The following CCDC149 variants were observed in gnomAD, a reference collection of about 807,000 sequenced individuals.
CCDC149 encodes the protein coiled-coil domain-containing protein 149.
CCDC149 carries 45 observed loss-of-function variants against 59.9 expected under a neutral mutation model. The observed-to-expected ratio is 0.75, with a 90% confidence interval of 0.59 to 0.96. The LOEUF (loss-of-function observed/expected upper bound fraction) is 0.96. CCDC149 is among the 40% of genes least tolerant of loss of function. The pLI is 0.00. For missense variants in CCDC149, 584 were observed against 664.7 expected, an observed-to-expected ratio of 0.88 and a Z score of 1.33; for synonymous variants, 245 against 260.6, an observed-to-expected ratio of 0.94 and a Z score of 0.58.
intron 1 of CCDC149, among the ~76,000 whole-genome samples, chr4:24,890,450 C>G (rs1167215578): frequency 6.6e-6 from 1 of 152,144 alleles, no homozygotes; most frequent in Non-Finnish European, 1.5e-5. Context: ...CCCCATTCAC[C>G]CAAAGGAGAG....
intron 3 of CCDC149, among the ~76,000 whole-genome samples, chr4:24,854,014 G>A (rs575593248): frequency 2.0e-5 from 3 of 152,130 alleles, no homozygotes; most frequent in East Asian, 1.9e-4. Context: ...AGGTCCCTCC[G>A]GTCTCCATGG....
At chr4:24,870,356 C>T (rs1718963546) in intron 3 of CCDC149, among the ~76,000 whole-genome samples, 1 of 152,162 alleles carries the variant, frequency 6.6e-6, no homozygotes, top group Non-Finnish European at 1.5e-5. Context: ...ACTTAAAGCC[C>T]ACATTACCTC....
At chr4:24,975,843 T>G (rs796491407) in intron 1 of CCDC149, among the ~76,000 whole-genome samples, 3 of 149,812 alleles carry the variant, frequency 2.0e-5, no homozygotes, top group Non-Finnish European at 4.4e-5. Context: ...TAGAAATGAG[T>G]TTTTTTTTCT....
intron 1 of CCDC149, among the ~76,000 whole-genome samples, chr4:24,912,515 C>A (rs2109329227): frequency 6.6e-6 from 1 of 152,248 alleles, no homozygotes; most frequent in Admixed American, 6.5e-5. Flanking sequence ...TGGGGCTTGG[C>A]ACCTTCTGCT....
At chr4:24,901,728 A>G (rs1721185245) in intron 1 of CCDC149, among the ~76,000 whole-genome samples, 1 of 152,220 alleles carries the variant, frequency 6.6e-6, no homozygotes, top group Admixed American at 6.5e-5. Context: ...AGTTCTGAAC[A>G]GAACCCATGC....
At chr4:24,898,677 C>A (rs1179330405) in intron 1 of CCDC149, among the ~76,000 whole-genome samples, 2 of 152,114 alleles carry the variant, frequency 1.3e-5, no homozygotes, top group Non-Finnish European at 2.9e-5. Context: ...TTCTGAGGAC[C>A]CCCATCCTCA....
At chr4:24,974,690 A>T (rs1724099802) in intron 1 of CCDC149, among the ~76,000 whole-genome samples, 1 of 152,162 alleles carries the variant, frequency 6.6e-6, no homozygotes, top group African/African-American at 2.4e-5. Flanking sequence ...TGCTCAATCA[A>T]TGTCTGCTGA....
At chr4:24,873,873 T>TC (rs2109239933) in intron 2 of CCDC149, among the ~76,000 whole-genome samples, 154 bp from the exon 3 acceptor site, 1 of 148,970 alleles carries the variant, frequency 6.7e-6, no homozygotes, top group South Asian at 2.3e-4. Flanking sequence ...AAATATACTT[T>TC]AAAAAAATAA....
upstream of CCDC149, among the ~76,000 whole-genome samples, chr4:24,916,966 A>T (rs988088986): frequency 1.6e-4 from 24 of 152,078 alleles, no homozygotes; most frequent in African/African-American, 5.3e-4. Context: ...GGTCCTGGTG[A>T]GTGCCACAGC....
intron 1 of CCDC149, among the ~76,000 whole-genome samples, chr4:24,964,065 A>G (rs1033564257): frequency 6.6e-6 from 1 of 152,012 alleles, no homozygotes; most frequent in Non-Finnish European, 1.5e-5. Flanking sequence ...TTGTGGTGGC[A>G]TATGTCTGTA....
chr4:24,958,465 C>T (rs1723536568), intron 1 of CCDC149, among the ~76,000 whole-genome samples: 1 of 152,146 alleles, frequency 6.6e-6, no homozygotes, highest in South Asian at 2.1e-4. Flanking sequence ...CACTTTACAA[C>T]AAAAGAGATG....
rs1714346650 is a variant in CCDC149 at position 24,808,333 on chromosome 4, A to G, written c.*56T>C. The G allele has an allele frequency of 7.1e-7, 1 of 1,399,224 alleles. No individual in the cohort carries two copies. The highest frequency in any genetic ancestry group is 9.4e-7 in the Non-Finnish European group (1 of 1,069,060). The allele number at this position is 1,399,224 out of a possible 1,614,324, so 86.7% of individuals were successfully genotyped here. On this transcript the variant is annotated 3_prime_UTR_variant, in exon 13 of 13. Transcript: ENST00000635206. ...CGTGAGCGCACCATTCCGATGCTTC[A>G]TTCTTGACCCTCTCTGGGGCTTTCA...
chr4:24,914,742 A>C (rs964558450), upstream of CCDC149, among the ~76,000 whole-genome samples: 2 of 152,240 alleles, frequency 1.3e-5, no homozygotes, highest in Non-Finnish European at 2.9e-5. Context: ...GCGATTTGCT[A>C]GGTATCAACA....
At chr4:24,812,437 T>C (rs944830806) in intron 12 of CCDC149, among the ~76,000 whole-genome samples, 4 of 152,344 alleles carry the variant, frequency 2.6e-5, no homozygotes, top group Non-Finnish European at 5.9e-5. Context: ...GCTCGCTTCT[T>C]GTAGAAGATA....
intron 1 of CCDC149, among the ~76,000 whole-genome samples, chr4:24,887,969 C>T (rs1450605290): frequency 6.6e-6 from 1 of 152,160 alleles, no homozygotes; most frequent in Non-Finnish European, 1.5e-5. Flanking sequence ...AGCTTCTTCA[C>T]CTCTCTCTTT....
chr4:24,914,563 CCG>C (rs1288083314), upstream of CCDC149, among the ~76,000 whole-genome samples: 1 of 150,604 alleles, frequency 6.6e-6, no homozygotes. Context: ...CCATTGCCTG[CCG>C]CCCCCTCCAC....
chr4:24,903,679 G>A (rs536156501), intron 1 of CCDC149, among the ~76,000 whole-genome samples: 65 of 152,130 alleles, frequency 4.3e-4, no homozygotes, highest in Non-Finnish European at 7.4e-4. Context: ...CATCACAATC[G>A]AGACATAGAA....
intron 1 of CCDC149, among the ~76,000 whole-genome samples, chr4:24,891,163 A>G (rs1720505587): frequency 6.6e-6 from 1 of 152,218 alleles, no homozygotes; most frequent in Non-Finnish European, 1.5e-5. Context: ...GTGAGAAACT[A>G]TCCTTAACAA....
Position 24,838,281 on chromosome 4 carries a change from TC to T in CCDC149, c.373-10del, listed in dbSNP as rs1304435109. 1 of 1,605,550 alleles carries T rather than the reference TC, an allele frequency of 6.2e-7. No individual in the cohort carries two copies. The highest frequency in any genetic ancestry group is 1.7e-5 in the Admixed American group (1 of 60,012). On this transcript the variant is annotated splice_polypyrimidine_tract_variant and intron_variant, in intron 4 of 12. Transcript: ENST00000635206. ...ATCGTCATCCTCAAGAGCTGCATTT[TC>T]CATTGGTAGAAAAAGAAAAAGGCAC... is the stretch of plus-strand genomic sequence containing the variant.
Sources: gnomAD v4.1 joint callset for allele counts (sites outside exome capture counted in the v4.1 genomes callset) on GRCh38, gnomAD v4.1.1 for gene constraint, MANE v1.5 for transcripts, NCBI Gene and HGNC (gene_info 2026-07-23, HGNC 2026-07-21) for gene names.